ASIC2: variants seen among roughly 807,000 people sequenced by gnomAD.
ASIC2 encodes acid-sensing ion channel 2.
ASIC2 carries 25 observed loss-of-function variants against 57.3 expected under a neutral mutation model. That is an observed-to-expected ratio of 0.44 (90% CI 0.32 to 0.61). ASIC2 has a LOEUF of 0.61. Ranked by LOEUF, ASIC2 falls within the 20% of genes least tolerant of loss-of-function variation. The probability of loss-of-function intolerance (pLI) is 0.06; values close to 1 mark genes in which losing one functional copy is unlikely to be tolerated. For missense variants in ASIC2, 641 were observed against 738.1 expected (o/e 0.87, Z 1.52); for synonymous variants, 319 against 307.5 (o/e 1.04, Z -0.39).
At chr17:33,221,085 A>G (rs1194852650) in intron 1 of ASIC2, among the ~76,000 whole-genome samples, 1 of 152,106 alleles carries the variant, frequency 6.6e-6, no homozygotes, top group Admixed American at 6.5e-5. Flanking sequence ...AAAATAAAAT[A>G]AAGTAAAATA....
At chr17:33,836,483 A>G (rs796760742) in intron 1 of ASIC2, among the ~76,000 whole-genome samples, 3 of 152,022 alleles carry the variant, frequency 2.0e-5, no homozygotes, top group East Asian at 1.9e-4. Flanking sequence ...GGCCCAGCCT[A>G]CTCTTCATAA....
rs566761894 is a variant in ASIC2 at position 33,048,864 on chromosome 17, G to T, written c.988-20472C>A. On this transcript the variant is annotated intron_variant, in intron 3 of 9. Transcript: ENST00000225823. ...AGTGGATTCCCTGTCAATTTCACCT[G>T]ATAGAGAGGGTCTGGTCCTACGTAT... 1.5e-4 allele frequency among the ~76,000 whole-genome samples: 23 copies of T among 152,284 alleles called. No individual in the cohort carries two copies. In the South Asian group the frequency reaches 4.8e-3, roughly 32 times the overall value.
At chr17:33,067,909 A>G (rs1409681776) in intron 3 of ASIC2, among the ~76,000 whole-genome samples, 1 of 152,124 alleles carries the variant, frequency 6.6e-6, no homozygotes, top group Non-Finnish European at 1.5e-5. Context: ...GTAGTCCACA[A>G]CCCCTGCAGA....
At chr17:33,112,803 A>T (rs973759032) in intron 1 of ASIC2, 8 of 152,310 alleles carry the variant, frequency 5.3e-5, no homozygotes, top group African/African-American at 1.9e-4. Context: ...GACCTTCTCC[A>T]GCCCATCCTC....
chr17:33,846,853 A>C (rs2141912514), intron 1 of ASIC2, among the ~76,000 whole-genome samples: 2 of 151,906 alleles, frequency 1.3e-5, no homozygotes, highest in Admixed American at 6.6e-5. Context: ...GCCTCCCGAC[A>C]GTGATAACGT....
At chr17:33,035,866 G>T (rs1456909893) in intron 3 of ASIC2, among the ~76,000 whole-genome samples, 2 of 152,128 alleles carry the variant, frequency 1.3e-5, no homozygotes, top group African/African-American at 2.4e-5. Flanking sequence ...TCTTTTCTAG[G>T]ATTTTCCCTT....
chr17:33,123,750 G>A (rs1281248510), intron 1 of ASIC2, among the ~76,000 whole-genome samples: 1 of 152,206 alleles, frequency 6.6e-6, no homozygotes, highest in African/African-American at 2.4e-5. Flanking sequence ...TCCTACTGCT[G>A]TGAGTGTGCT....
At chr17:33,106,295 C>A (rs1338447755) in intron 2 of ASIC2, among the ~76,000 whole-genome samples, 1 of 152,120 alleles carries the variant, frequency 6.6e-6, no homozygotes, top group South Asian at 2.1e-4. Flanking sequence ...TTTAAAAAAT[C>A]ATTCCTTTGC....
intron 1 of ASIC2, among the ~76,000 whole-genome samples, chr17:33,851,366 G>A (rs930999428): frequency 3.3e-5 from 5 of 152,120 alleles, no homozygotes; most frequent in Admixed American, 3.3e-4. Context: ...TGATGGGGGA[G>A]TAGCCGAGGG....
intron 1 of ASIC2, among the ~76,000 whole-genome samples, chr17:34,073,493 A>G (rs572387250): frequency 5.9e-5 from 9 of 152,188 alleles, no homozygotes; most frequent in Non-Finnish European, 1.3e-4. Flanking sequence ...TGGCCAAACC[A>G]TATGGGGTCT....
At chr17:33,618,806 T>G (rs534272565) in intron 1 of ASIC2, among the ~76,000 whole-genome samples, 1 of 152,344 alleles carries the variant, frequency 6.6e-6, no homozygotes, top group Non-Finnish European at 1.5e-5. Context: ...AATATTTTAT[T>G]AATAAGCCTC....
chr17:33,969,166 T>A (rs955623523), intron 1 of ASIC2, among the ~76,000 whole-genome samples: 2 of 152,228 alleles, frequency 1.3e-5, no homozygotes, highest in African/African-American at 4.8e-5. Flanking sequence ...AGATTAGGCA[T>A]AAGATGCATT....
At chr17:34,105,084 G>A (rs972092323) in intron 1 of ASIC2, among the ~76,000 whole-genome samples, 2 of 151,954 alleles carry the variant, frequency 1.3e-5, no homozygotes, top group African/African-American at 4.8e-5. Context: ...TTTATTTGTT[G>A]AAATGTTTTG....
intron 1 of ASIC2, among the ~76,000 whole-genome samples, chr17:33,960,172 G>A (rs112371530): frequency 6.1e-4 from 93 of 152,276 alleles, no homozygotes; most frequent in African/African-American, 2.0e-3. Flanking sequence ...TGTCTTTCTC[G>A]TGTGGAAACT....
chr17:33,579,413 G>A (rs568100107), intron 1 of ASIC2, among the ~76,000 whole-genome samples: 6 of 152,010 alleles, frequency 3.9e-5, no homozygotes, highest in African/African-American at 1.2e-4. Flanking sequence ...GGGGAAGGTA[G>A]AAAACAAGGA....
chr17:33,637,020 T>C (rs768251999), intron 1 of ASIC2, among the ~76,000 whole-genome samples: 11 of 152,034 alleles, frequency 7.2e-5, no homozygotes, highest in Non-Finnish European at 1.2e-4. Context: ...CCTTCCTCCT[T>C]CTTCTCCTCC....
chr17:34,148,214 T>C (rs1271670205), intron 1 of ASIC2, among the ~76,000 whole-genome samples: 1 of 152,176 alleles, frequency 6.6e-6, no homozygotes, highest in Non-Finnish European at 1.5e-5. Context: ...CTAGGCATTA[T>C]TTAGGAACTT....
chr17:33,038,072 C>A (rs947097718), intron 3 of ASIC2, among the ~76,000 whole-genome samples: 1 of 152,190 alleles, frequency 6.6e-6, no homozygotes, highest in African/African-American at 2.4e-5. Flanking sequence ...GAACCTCGAA[C>A]TCCTCTCTTT....
At chr17:33,047,340 C>A (rs117336163) in intron 3 of ASIC2, among the ~76,000 whole-genome samples, 76 of 152,122 alleles carry the variant, frequency 5.0e-4, no homozygotes, top group African/African-American at 1.5e-3. Context: ...TCCCTCCCCC[C>A]ACTTTTTGTT....
Sources: allele counts gnomAD v4.1 joint callset (sites outside exome capture counted in the v4.1 genomes callset), GRCh38; gene constraint gnomAD v4.1.1; transcripts MANE v1.5; gene names NCBI Gene and HGNC (gene_info 2026-07-23, HGNC 2026-07-21).